Variants in C11orf98 observed in about 807,000 individuals in gnomAD.
The protein encoded by C11orf98 is chromosome 11 open reading frame 98.
A neutral mutation model predicts 10.9 loss-of-function variants in C11orf98; 7 were observed. The ratio of observed to expected loss-of-function variants is 0.64; its 90% CI spans 0.37 to 1.21. The LOEUF is 1.21. Among genes scored for constraint, C11orf98 ranks in the 50% most tolerant of loss-of-function variants. The pLI is 0.02. For missense variants in C11orf98, 181 were observed against 153.7 expected (o/e 1.18, Z -0.94); for synonymous variants, 70 against 57.2 (o/e 1.22, Z -1.01).
In C11orf98 at chr11:62,664,399, C is replaced by T. The variant is rs918840088; in HGVS notation, c.164+450G>A. Among the ~76,000 whole-genome samples, 7 of 141,646 alleles carry T rather than the reference C, an allele frequency of 4.9e-5. No homozygotes were observed. The South Asian group carries it at 1.3e-3, about 27-fold the overall frequency. The allele number at this position is 141,646 out of a possible 152,430, so 92.9% of individuals were successfully genotyped here. ...AGGCTGGAGTGCAGTGGCGTGATCT[C>T]GGCTCACTGCAACCTCCGCCTCCCA... is the stretch of plus-strand genomic sequence containing the variant. On this transcript the variant is annotated intron_variant, in intron 2 of 3. Transcript: ENST00000524958.
In C11orf98 at chr11:62,662,969, C is replaced by T; in HGVS notation, c.*81G>A. On this transcript the variant is annotated 3_prime_UTR_variant, in exon 4 of 4. Coordinates refer to ENST00000524958, the MANE Select transcript of C11orf98 (RefSeq NM_001286086.2). Reference sequence around the variant, plus strand: ...AGGAAATCTGGAGAGTGAAAAGGGGCCTTGCTTTTGTCAAAGTCCTCTGAA... The same window carrying T: ...AGGAAATCTGGAGAGTGAAAAGGGGTCTTGCTTTTGTCAAAGTCCTCTGAA... 5 of 1,084,172 alleles carry T rather than the reference C, an allele frequency of 4.6e-6. No homozygotes were observed. Among genetic ancestry groups the T allele is most frequent in the Non-Finnish European group, 5.4e-6 (4 of 745,194 alleles). 67.2% of individuals were successfully genotyped at this position (1,084,172 alleles called of 1,614,324 possible).
At chr11:62,664,533 G>C (rs1944741673) in intron 2 of C11orf98, among the ~76,000 whole-genome samples, 2 of 152,132 alleles carry the variant, frequency 1.3e-5, no homozygotes, top group South Asian at 2.1e-4. Flanking sequence ...GTTTCACCAT[G>C]TTGGTCAGGC....
chr11:62,664,332 T>TA (rs1214509257), intron 2 of C11orf98, among the ~76,000 whole-genome samples: 1 of 137,826 alleles, frequency 7.3e-6, no homozygotes. Context: ...TATTCTTTTT[T>TA]TTTTTTTTTT....
chr11:62,665,046 C>T, intron 1 of C11orf98, 73 bp from the exon 2 acceptor site: 4 of 1,588,346 alleles, frequency 2.5e-6, no homozygotes, highest in Non-Finnish European at 3.4e-6. Flanking sequence ...CAGGCAGCCC[C>T]GGCCCCTCAC....
chr11:62,665,199 G>C lies in C11orf98; in HGVS notation c.-30C>G. ...GCGATTCCACTCCAGTTCACGGTCC[G>C]TACTTCCGCTCAGCGCCGGATCCGC... On this transcript the variant is annotated 5_prime_UTR_variant, in exon 1 of 4. Transcript: ENST00000524958. 1.2e-6 allele frequency: 1 copy of C among 805,284 alleles called. No homozygotes were observed. Among genetic ancestry groups the C allele is most frequent in the African/African-American group, 1.7e-5 (1 of 59,198 alleles). The allele number at this position is 805,284 out of a possible 1,614,324, so 49.9% of individuals were successfully genotyped here.
Position 62,664,889 on chromosome 11 carries a change from C to A in C11orf98, c.124G>T (p.Asp42Tyr). 1 of 1,588,976 alleles carries A rather than the reference C, an allele frequency of 6.3e-7. No individual in the cohort carries two copies. Residue 42 changes from aspartate (D) to tyrosine (Y), a missense_variant, in exon 2 of 4, where the codon GAC becomes TAC. Coordinates refer to ENST00000524958, the MANE Select transcript of C11orf98 (RefSeq NM_001286086.2). Reference sequence around the variant, plus strand: ...TGGTGCCGCGTGATCAGCCCTTGGTCTATCACAGCCCCGACCACCCGGTGC... The same window carrying A: ...TGGTGCCGCGTGATCAGCCCTTGGTATATCACAGCCCCGACCACCCGGTGC... ...LRHRVVGAVIDQGLITRHHLK... is the reference protein window; with the variant it reads ...LRHRVVGAVIYQGLITRHHLK...
Sources: gnomAD v4.1 joint callset for allele counts (sites outside exome capture counted in the v4.1 genomes callset) on GRCh38, gnomAD v4.1.1 for gene constraint, MANE v1.5 for transcripts, NCBI Gene and HGNC (gene_info 2026-07-23, HGNC 2026-07-21) for gene names.